FBXO4: variants seen among roughly 807,000 people sequenced by gnomAD.
FBXO4 encodes F-box only protein 4.
A neutral mutation model predicts 43.7 loss-of-function variants in FBXO4; 36 were observed. The ratio of observed to expected loss-of-function variants is 0.82; its 90% CI spans 0.63 to 1.09. FBXO4 has a LOEUF of 1.09. FBXO4 is among the 50% of genes least tolerant of loss of function. The pLI is 0.00. For synonymous variants in FBXO4, 180 were observed against 165.6 expected (o/e 1.09, Z -0.67); for missense variants, 435 against 474.1 (o/e 0.92, Z 0.77).
intron 5 of FBXO4, chr5:41,934,804 C>G: frequency 1.0e-6 from 1 of 993,496 alleles, no homozygotes; most frequent in African/African-American, 1.7e-5. Flanking sequence ...GTTGAGAACA[C>G]TATTCATATA....
the FBXO4 span, among the ~76,000 whole-genome samples, chr5:41,976,345 C>T: frequency 6.6e-6 from 1 of 152,168 alleles, no homozygotes; most frequent in Non-Finnish European, 1.5e-5. Flanking sequence ...AAGTTCAAAT[C>T]CAAAGTTTCA....
At chr5:41,954,621 C>T in the FBXO4 span, among the ~76,000 whole-genome samples, 1 of 152,128 alleles carries the variant, frequency 6.6e-6, no homozygotes, top group Non-Finnish European at 1.5e-5. Flanking sequence ...TTCAAATTTG[C>T]AATCAGAAAT....
chr5:42,015,579 A>G, the FBXO4 span, among the ~76,000 whole-genome samples: 2 of 152,168 alleles, frequency 1.3e-5, no homozygotes, highest in Admixed American at 1.3e-4. Flanking sequence ...GTAAGAATAA[A>G]TGTGCTAATG....
chr5:42,039,597 G>A, the FBXO4 span, among the ~76,000 whole-genome samples: 9 of 151,966 alleles, frequency 5.9e-5, no homozygotes, highest in African/African-American at 1.9e-4. Flanking sequence ...TGTACTCTGG[G>A]CTGGCCTCAA....
At chr5:42,020,682 G>T in the FBXO4 span, among the ~76,000 whole-genome samples, 1 of 152,178 alleles carries the variant, frequency 6.6e-6, no homozygotes, top group Non-Finnish European at 1.5e-5. Flanking sequence ...TTTGCATTCC[G>T]GGGAGGAAGA....
At chr5:41,976,506 G>A in the FBXO4 span, among the ~76,000 whole-genome samples, 5 of 152,152 alleles carry the variant, frequency 3.3e-5, no homozygotes, top group African/African-American at 1.2e-4. Context: ...AAAAGAAAGG[G>A]GTAATAGGCC....
chr5:41,995,105 A>G, the FBXO4 span, among the ~76,000 whole-genome samples: 1 of 152,178 alleles, frequency 6.6e-6, no homozygotes, highest in Non-Finnish European at 1.5e-5. Context: ...CTGCTTCAGG[A>G]TGATGGGGAA....
At chr5:42,036,810 C>T in the FBXO4 span, among the ~76,000 whole-genome samples, 1 of 151,994 alleles carries the variant, frequency 6.6e-6, no homozygotes, top group Non-Finnish European at 1.5e-5. Context: ...TAGACAGTTA[C>T]AAGCTTTTTT....
At chr5:42,024,236 T>C in the FBXO4 span, among the ~76,000 whole-genome samples, 2 of 152,182 alleles carry the variant, frequency 1.3e-5, no homozygotes, top group Admixed American at 6.6e-5. Flanking sequence ...TATGTGTGTG[T>C]CACCAATTAA....
chr5:41,991,611 T>C, the FBXO4 span, among the ~76,000 whole-genome samples: 480 of 152,316 alleles, frequency 3.2e-3, 1 homozygote, highest in Admixed American at 5.3e-3. Flanking sequence ...TAAATTTCTG[T>C]TGGACTCTGG....
Position 41,941,727 on chromosome 5 carries a change from G to T in FBXO4, c.*446G>T, listed in dbSNP as rs992871725. Reference sequence around the variant, plus strand: ...TTTATCTATTCTTAATAAATACACTGCTTAAAGACTGAAAAATGTACTGGA... The same window carrying T: ...TTTATCTATTCTTAATAAATACACTTCTTAAAGACTGAAAAATGTACTGGA... On this transcript the variant is annotated 3_prime_UTR_variant, in exon 7 of 7. Transcript: ENST00000281623. 6.5e-6 allele frequency: 1 copy of T among 153,740 alleles called. No homozygotes were observed. The highest frequency in any genetic ancestry group is 6.4e-5 in the Admixed American group (1 of 15,538). 9.5% of individuals were successfully genotyped at this position (153,740 alleles called of 1,614,324 possible). A position where few individuals can be genotyped will look rare whatever the true frequency, so the allele number is the denominator to read the frequency against.
downstream of FBXO4, among the ~76,000 whole-genome samples, chr5:41,942,337 CTAA>C (rs564397186): frequency 6.1e-4 from 92 of 151,872 alleles, no homozygotes; most frequent in African/African-American, 1.7e-3. Flanking sequence ...ATTAATATTT[CTAA>C]TAATAATCCA....
At chr5:42,006,914 A>G in the FBXO4 span, among the ~76,000 whole-genome samples, 28 of 141,494 alleles carry the variant, frequency 2.0e-4, no homozygotes, top group African/African-American at 7.4e-4. Flanking sequence ...ATATATATAT[A>G]TATGTATATA....
chr5:41,939,237 A>T (rs1414206474), intron 5 of FBXO4: 2 of 431,416 alleles, frequency 4.6e-6, no homozygotes, highest in Non-Finnish European at 8.2e-6. Context: ...TGACATCTAC[A>T]GAATTTGTGA....
chr5:41,959,200 AT>A, the FBXO4 span, among the ~76,000 whole-genome samples: 2 of 152,164 alleles, frequency 1.3e-5, no homozygotes, highest in African/African-American at 2.4e-5. Flanking sequence ...CTTTTGAGAA[AT>A]GTCAGTTCAA....
the FBXO4 span, among the ~76,000 whole-genome samples, chr5:41,999,555 A>ATG: frequency 1.3e-3 from 157 of 121,446 alleles, 2 homozygotes; most frequent in African/African-American, 5.0e-3. Context: ...GTATATATAT[A>ATG]TATATATGTA....
At chr5:41,966,638 C>T in the FBXO4 span, among the ~76,000 whole-genome samples, 1,465 of 152,286 alleles carry the variant, frequency 9.6e-3, 9 homozygotes, top group Middle Eastern at 0.02. Context: ...TCTACTTAGA[C>T]AGACCTGGTT....
chr5:41,991,521 C>A, the FBXO4 span, among the ~76,000 whole-genome samples: 1 of 152,196 alleles, frequency 6.6e-6, no homozygotes, highest in South Asian at 2.1e-4. Context: ...TGAGAAATAA[C>A]CAAGCCATGC....
chr5:41,988,122 G>C, the FBXO4 span, among the ~76,000 whole-genome samples: 2 of 152,148 alleles, frequency 1.3e-5, no homozygotes, highest in Non-Finnish European at 2.9e-5. Context: ...AACATGTGGG[G>C]GGGAGAGAAA....
Sources: allele counts gnomAD v4.1 joint callset (sites outside exome capture counted in the v4.1 genomes callset), GRCh38; gene constraint gnomAD v4.1.1; transcripts MANE v1.5; gene names NCBI Gene and HGNC (gene_info 2026-07-23, HGNC 2026-07-21).